Variants in TTC27 observed in about 807,000 individuals in gnomAD.
The protein encoded by TTC27 is tetratricopeptide repeat protein 27.
Under a neutral mutation model 115.9 loss-of-function variants are expected in TTC27, and 79 were observed. The ratio of observed to expected loss-of-function variants is 0.68; its 90% CI spans 0.57 to 0.82. The LOEUF (loss-of-function observed/expected upper bound fraction) is 0.82, where lower values mean the gene tolerates loss of function less well. Ranked by LOEUF, TTC27 falls within the 40% of genes least tolerant of loss-of-function variation. The pLI is 0.00. For missense variants in TTC27, 1,054 were observed against 993.1 expected (o/e 1.06, Z -0.82); for synonymous variants, 401 against 356.0 (o/e 1.13, Z -1.42).
chr2:32,645,159 A>G (rs1572470869), intron 4 of TTC27, among the ~76,000 whole-genome samples: 1 of 152,164 alleles, frequency 6.6e-6, no homozygotes, highest in Non-Finnish European at 1.5e-5. Flanking sequence ...TGATGATATT[A>G]TTTTTGTGAA....
intron 12 of TTC27, among the ~76,000 whole-genome samples, chr2:32,749,936 G>GAA (rs950785469): frequency 6.6e-6 from 1 of 152,184 alleles, no homozygotes; most frequent in Non-Finnish European, 1.5e-5. Flanking sequence ...TATCACTTAG[G>GAA]CCTGTTTTAT....
intron 10 of TTC27, among the ~76,000 whole-genome samples, chr2:32,721,035 C>G (rs957673468): frequency 6.6e-6 from 1 of 152,036 alleles, no homozygotes; most frequent in African/African-American, 2.4e-5. Context: ...TGGAGTGTAG[C>G]ACATGATCTA....
intron 12 of TTC27, among the ~76,000 whole-genome samples, chr2:32,746,582 A>AAAAAAAAAAAAAAAAAAAAAAAT: frequency 2.0e-5 from 3 of 151,052 alleles, no homozygotes; most frequent in South Asian, 2.1e-4. Context: ...AAAAAAAAAA[A>AAAAAAAAAAAAAAAAAAAAAAAT]GAATGCACAT....
intron 9 of TTC27, among the ~76,000 whole-genome samples, chr2:32,699,027 T>C (rs1384707004): frequency 2.6e-5 from 4 of 152,202 alleles, no homozygotes; most frequent in African/African-American, 4.8e-5. Flanking sequence ...TTAGTTTTCA[T>C]TTCTGTTTCC....
At chr2:32,648,577 A>G (rs148614654) in intron 4 of TTC27, among the ~76,000 whole-genome samples, 176 of 151,872 alleles carry the variant, frequency 1.2e-3, no homozygotes, top group African/African-American at 4.2e-3. Flanking sequence ...ATACCTGGCC[A>G]TACTTTTATA....
chr2:32,755,219 G>A (rs1266587162), intron 12 of TTC27, among the ~76,000 whole-genome samples: 3 of 152,218 alleles, frequency 2.0e-5, no homozygotes, highest in Non-Finnish European at 2.9e-5. Flanking sequence ...CACTTTGGGA[G>A]GCCAAGGCAG....
intron 13 of TTC27, among the ~76,000 whole-genome samples, chr2:32,769,339 T>C (rs545277293): frequency 3.8e-4 from 58 of 152,148 alleles, no homozygotes; most frequent in Non-Finnish European, 6.5e-4. Context: ...GAAGAGGTCA[T>C]TGGATTTGGA....
In TTC27 at chr2:32,815,330, A is replaced by G. The variant is rs542265506; in HGVS notation, c.2309-2127A>G. On this transcript the variant is annotated intron_variant, in intron 18 of 19. Coordinates refer to ENST00000317907, the MANE Select transcript of TTC27 (RefSeq NM_017735.5). ...CGGCTCACTGCAAGCTTCGCCTCCC[A>G]GGTTCACGCCATTCTCCTGCCTCAG... 6.6e-3 allele frequency among the ~76,000 whole-genome samples: 886 copies of G among 134,398 alleles called. 16 individuals are homozygous for G. The highest frequency in any genetic ancestry group is 0.024 in the African/African-American group (853 of 35,528). The allele number at this position is 134,398 out of a possible 152,430, so 88.2% of individuals were successfully genotyped here.
chr2:32,758,080 C>CT (rs1268754173), intron 12 of TTC27, among the ~76,000 whole-genome samples: 1 of 152,160 alleles, frequency 6.6e-6, no homozygotes, highest in Admixed American at 6.5e-5. Flanking sequence ...TTGCAGTGGT[C>CT]TGGGACCAAA....
intron 9 of TTC27, among the ~76,000 whole-genome samples, chr2:32,682,268 A>G (rs1666457988): frequency 1.3e-5 from 2 of 152,196 alleles, no homozygotes; most frequent in South Asian, 2.1e-4. Flanking sequence ...GCATGATACT[A>G]GGAATAACCA....
intron 4 of TTC27, among the ~76,000 whole-genome samples, chr2:32,644,710 C>T (rs1664785012): frequency 6.6e-6 from 1 of 151,974 alleles, no homozygotes; most frequent in South Asian, 2.1e-4. Context: ...ACTTCAGGAG[C>T]ACACCATCCT....
chr2:32,777,791 T>G, intron 13 of TTC27, 91 bp from the exon 14 acceptor site: 3 of 1,143,022 alleles, frequency 2.6e-6, no homozygotes, highest in Non-Finnish European at 3.9e-6. Flanking sequence ...TTTCTAGGAG[T>G]GTGTTTGTTG....
rs983888982 is a variant in TTC27, at chr2:32,678,585, G to A, written c.1053-271G>A. Among the ~76,000 whole-genome samples, 3 of 151,626 alleles carry A rather than the reference G, an allele frequency of 2.0e-5. No individual in the cohort carries two copies. The East Asian group carries it at 5.8e-4, about 29-fold the overall frequency. ...TGGGACTACAGGTACTTGCCACCAC[G>A]GCAGGCTAATTTTTTGTATTTTTAG... is the stretch of plus-strand genomic sequence containing the variant. On this transcript the variant is annotated intron_variant, in intron 8 of 19. Transcript: ENST00000317907.
intron 9 of TTC27, among the ~76,000 whole-genome samples, chr2:32,692,036 G>GTTTTTTTTTTTGT (rs1666831349): frequency 1.3e-3 from 81 of 61,214 alleles, no homozygotes; most frequent in Non-Finnish European, 2.1e-3. Flanking sequence ...AATTTTTTAG[G>GTTTTTTTTTTTGT]TTTTTTTTTT....
intron 10 of TTC27, among the ~76,000 whole-genome samples, chr2:32,727,946 G>A (rs915128206): frequency 4.0e-5 from 6 of 151,628 alleles, no homozygotes; most frequent in African/African-American, 1.5e-4. Context: ...AAGGGGTCTT[G>A]GAAACAGAAG....
intron 16 of TTC27, among the ~76,000 whole-genome samples, chr2:32,797,790 T>A (rs1048743084): frequency 6.6e-6 from 1 of 152,110 alleles, no homozygotes; most frequent in Middle Eastern, 3.2e-3. Flanking sequence ...AAAAATTTTG[T>A]GCACCAAAAA....
At chr2:32,741,029 C>T (rs948229778) in intron 12 of TTC27, among the ~76,000 whole-genome samples, 2 of 152,240 alleles carry the variant, frequency 1.3e-5, no homozygotes, top group Non-Finnish European at 2.9e-5. Context: ...CATACCTACT[C>T]TGTCATCCAG....
intron 10 of TTC27, among the ~76,000 whole-genome samples, chr2:32,712,947 A>G (rs544400038): frequency 6.6e-6 from 1 of 152,326 alleles, no homozygotes; most frequent in South Asian, 2.1e-4. Flanking sequence ...TGGAAACTTA[A>G]TCCCCAATGC....
chr2:32,640,276 G>A lies in TTC27; in HGVS notation c.403G>A (p.Gly135Arg). 6.2e-7 allele frequency: 1 copy of A among 1,612,896 alleles called. No individual in the cohort carries two copies. Among genetic ancestry groups the A allele is most frequent in the Non-Finnish European group, 8.5e-7 (1 of 1,179,726 alleles). ...VLFQQFSEVKGLDAFVLSLLT... is the reference protein window; with the variant it reads ...VLFQQFSEVKRLDAFVLSLLT... ...TTTATAATCCTTTTTTCAGGTTAAA[G>A]GACTGGATGCATTTGTTCTGAGCCT... Residue 135 changes from glycine (G) to arginine (R), a missense_variant, in exon 4 of 20, where the codon GGA becomes AGA. Gly to Arg is a moderately radical substitution (Grantham distance 125). Coordinates refer to ENST00000317907, the MANE Select transcript of TTC27 (RefSeq NM_017735.5).
Sources: gnomAD v4.1 joint callset for allele counts (sites outside exome capture counted in the v4.1 genomes callset) on GRCh38, gnomAD v4.1.1 for gene constraint, MANE v1.5 for transcripts, NCBI Gene and HGNC (gene_info 2026-07-23, HGNC 2026-07-21) for gene names.